The following FANCA variants were observed in gnomAD, a reference collection of about 807,000 sequenced individuals.
FANCA encodes Fanconi anemia group A protein.
Under a neutral mutation model 194.3 loss-of-function variants are expected in FANCA, and 236 were observed. That is an observed-to-expected ratio of 1.21 (90% CI 1.09 to 1.35). FANCA has a LOEUF of 1.35. Among genes scored for constraint, FANCA ranks in the 40% most tolerant of loss-of-function variants. The pLI, the probability that FANCA is intolerant of heterozygous loss-of-function variation, is 0.00. For synonymous variants in FANCA, 1,014 were observed against 715.8 expected (o/e 1.42, Z -6.65); for missense variants, 2,628 against 1,813.9 (o/e 1.45, Z -8.15).
At chr16:89,753,237 G>T (rs921053079) in intron 30 of FANCA, among the ~76,000 whole-genome samples, 1 of 152,174 alleles carries the variant, frequency 6.6e-6, no homozygotes, top group Admixed American at 6.5e-5. Context: ...CCTATCATTG[G>T]AGGTGACTCA....
chr16:89,772,030 A>G (rs1359328677), intron 22 of FANCA, among the ~76,000 whole-genome samples: 2 of 152,154 alleles, frequency 1.3e-5, no homozygotes, highest in Non-Finnish European at 2.9e-5. Flanking sequence ...GCCAGACGCC[A>G]TCCACTACCT....
Position 89,816,620 on chromosome 16 carries a change from T to C in FANCA, c.-5A>G, listed in dbSNP as rs1330429367. On this transcript the variant is annotated 5_prime_UTR_variant, in exon 1 of 43. Coordinates refer to ENST00000389301, the MANE Select transcript of FANCA (RefSeq NM_000135.4). ...CGGGACCCACGAGTCGGACATGGCC[T>C]TGGCGCCTACAGCCCCGGCGGCGGC... 1 of 1,522,356 alleles carries C rather than the reference T, an allele frequency of 6.6e-7. No individual in the cohort carries two copies. The highest frequency in any genetic ancestry group is 8.8e-7 in the Non-Finnish European group (1 of 1,142,750). 94.3% of individuals were successfully genotyped at this position (1,522,356 alleles called of 1,614,324 possible). A position where few individuals can be genotyped will look rare whatever the true frequency, so the allele number is the denominator to read the frequency against.
intron 30 of FANCA, among the ~76,000 whole-genome samples, chr16:89,753,684 T>C (rs1038079566): frequency 1.1e-4 from 16 of 152,110 alleles, no homozygotes; most frequent in African/African-American, 3.9e-4. Context: ...GAGGAAAGAC[T>C]GAAAGCTGTT....
rs774630600 is a variant in FANCA at position 89,812,934 on chromosome 16, G to T, written c.283+1586C>A. On this transcript the variant is annotated intron_variant, in intron 3 of 42. Coordinates refer to ENST00000389301, the MANE Select transcript of FANCA (RefSeq NM_000135.4). ...TATAATCCCAGCTATTCGGGAGGCT[G>T]AGGCAGGAGAATTGCTTGAACCCAG... 1.5e-4 allele frequency among the ~76,000 whole-genome samples: 23 copies of T among 151,416 alleles called. 1 individual carries two copies. Among genetic ancestry groups the T allele is most frequent in the Non-Finnish European group, 2.5e-4 (17 of 67,938 alleles).
chr16:89,755,099 T>C (rs1251947606), intron 30 of FANCA, among the ~76,000 whole-genome samples: 1 of 152,198 alleles, frequency 6.6e-6, no homozygotes, highest in Non-Finnish European at 1.5e-5. Context: ...CATCTAACTT[T>C]TGACAAGGGT....
intron 38 of FANCA, chr16:89,740,341 TAAAAG>T: frequency 1.8e-6 from 1 of 549,658 alleles, no homozygotes; most frequent in Non-Finnish European, 3.3e-6. Flanking sequence ...AATAAGACAT[TAAAAG>T]AAAGGCCCAC....
intron 7 of FANCA, among the ~76,000 whole-genome samples, chr16:89,804,113 C>T (rs148049813): frequency 2.7e-4 from 41 of 152,182 alleles, no homozygotes; most frequent in Non-Finnish European, 4.9e-4. Context: ...GATTTTCTAA[C>T]TTTGATTTAA....
intron 23 of FANCA, among the ~76,000 whole-genome samples, chr16:89,771,117 A>C (rs2039308794): frequency 6.7e-6 from 1 of 149,208 alleles, no homozygotes; most frequent in Non-Finnish European, 1.5e-5. Flanking sequence ...GTGAGCCAAG[A>C]TCGTCCACTC....
intron 1 of FANCA, 116 bp from the exon 2 acceptor site, chr16:89,816,102 G>C (rs766779476): frequency 1.3e-6 from 1 of 780,250 alleles, no homozygotes; most frequent in South Asian, 1.4e-5. Context: ...CCCGAAGAGG[G>C]GCCGGGGCTC....
At chr16:89,770,065 C>G in intron 25 of FANCA, 41 bp from the exon 26 acceptor site, 2 of 1,601,680 alleles carry the variant, frequency 1.2e-6, no homozygotes, top group Non-Finnish European at 8.5e-7. Flanking sequence ...CTGCCCTCTT[C>G]CAAGCTGGAA....
intron 26 of FANCA, 183 bp downstream of exon 26, chr16:89,769,654 A>G (rs1275684373): frequency 1.0e-5 from 7 of 684,178 alleles, no homozygotes; most frequent in Non-Finnish European, 1.5e-5. Flanking sequence ...ACAAAGAAAC[A>G]AACGCACGCA....
rs1390814994 is a variant in FANCA at position 89,809,715 on chromosome 16, T to C, written c.522+992A>G. Reference sequence around the variant, plus strand: ...AAATACAAAAAAAATTAGCCAGGCATGGTGGCGCATGCCTGTAATCCCAGC... The same window carrying C: ...AAATACAAAAAAAATTAGCCAGGCACGGTGGCGCATGCCTGTAATCCCAGC... On this transcript the variant is annotated intron_variant, in intron 5 of 42. Coordinates refer to ENST00000389301, the MANE Select transcript of FANCA (RefSeq NM_000135.4). Among the ~76,000 whole-genome samples the C allele has an allele frequency of 2.0e-5, 3 of 151,974 alleles. No individual in the cohort carries two copies. The South Asian group carries it at 6.2e-4, about 32-fold the overall frequency.
At position 89,749,801 on chromosome 16, in the gene FANCA, G is replaced by C. The variant is rs377633991; in HGVS notation, c.3168C>G (p.Leu1056=). ...HFLFEIFRRR[L]QALTSGWSVA... is the part of the protein sequence containing the mutation. Reference sequence around the variant, plus strand: ...CGCTCCACCCGCTTGTCAGAGCCTGGAGCCGTCTGCGGAAAATCTCAAAGA... The same window carrying C: ...CGCTCCACCCGCTTGTCAGAGCCTGCAGCCGTCTGCGGAAAATCTCAAAGA... Residue 1056 remains leucine, a synonymous_variant, in exon 32 of 43, where the codon CTC becomes CTG. Transcript: ENST00000389301. 2 of 1,614,232 alleles carry C rather than the reference G, an allele frequency of 1.2e-6. No homozygotes were observed. The highest frequency in any genetic ancestry group is 1.7e-6 in the Non-Finnish European group (2 of 1,180,040).
chr16:89,773,773 CTT>C (rs552737101), intron 21 of FANCA, among the ~76,000 whole-genome samples: 32 of 135,460 alleles, frequency 2.4e-4, no homozygotes, highest in Non-Finnish European at 2.1e-4. Flanking sequence ...GTTCCTCAAA[CTT>C]TTTTTTTTTT....
Position 89,771,786 on chromosome 16 carries a change from A to C in FANCA, c.2043T>G (p.Ser681=), listed in dbSNP as rs2039335599. 1.9e-6 allele frequency: 3 copies of C among 1,613,940 alleles called. No individual in the cohort carries two copies. The South Asian group carries it at 3.3e-5, about 18-fold the overall frequency. The change falls in exon 23 of 43, where the codon TCT becomes TCG. Residue 681 remains serine, a synonymous_variant. Transcript: ENST00000389301. ...DVISAQVAVI[S]ERLRAVLGHN... is the part of the protein sequence containing the mutation. The stretch of plus-strand genomic sequence containing the variant: ...GGCCCAGGACAGCCCTCAGTCTTTC[A>C]GAAATCACTGCCACCTGTGCCGATA...
Position 89,748,726 on chromosome 16 carries a change from C to T in FANCA, c.3281G>A (p.Ser1094Asn), listed in dbSNP as rs946572285. ...AGTGATGGGCTGTTCTGCCTGGAAG[C>T]TGCTGCCGCAGAGGACAGACGAAGG... ...RLPSSVLCGS[S>N]FQAEQPITAR... The change falls in exon 33 of 43, where the codon AGC becomes AAC. Residue 1094 changes from serine (S) to asparagine (N), a missense_variant. Physicochemically the swap from Ser to Asn is conservative, Grantham distance 46. Coordinates refer to ENST00000389301, the MANE Select transcript of FANCA (RefSeq NM_000135.4). 50 of 1,614,020 alleles carry T rather than the reference C, an allele frequency of 3.1e-5. No homozygotes were observed. The highest frequency in any genetic ancestry group is 4.2e-5 in the Non-Finnish European group (49 of 1,180,046).
Position 89,749,915 on chromosome 16 carries a change from A to G in FANCA, c.3067-13T>C, listed in dbSNP as rs937670241. The G allele has an allele frequency of 2.5e-6, 4 of 1,613,850 alleles. No homozygotes were observed. Among genetic ancestry groups the G allele is most frequent in the Non-Finnish European group, 3.4e-6 (4 of 1,180,016 alleles). Reference sequence around the variant, plus strand: ...CAGCTACCATCTCCTGAAAAAGAGCAGTATGCTGGCACAGGAAGGCCTCGG... The same window carrying G: ...CAGCTACCATCTCCTGAAAAAGAGCGGTATGCTGGCACAGGAAGGCCTCGG... On this transcript the variant is annotated splice_polypyrimidine_tract_variant and intron_variant, in intron 31 of 42. Transcript: ENST00000389301.
intron 38 of FANCA, 52 bp downstream of exon 38, chr16:89,740,752 C>T: frequency 6.5e-7 from 1 of 1,534,882 alleles, no homozygotes; most frequent in African/African-American, 1.4e-5. Flanking sequence ...CCTGGTGCCC[C>T]TGCCTGGCCC....
At chr16:89,766,442 G>T (rs993469811) in intron 27 of FANCA, among the ~76,000 whole-genome samples, 1 of 151,818 alleles carries the variant, frequency 6.6e-6, no homozygotes, top group Non-Finnish European at 1.5e-5. Flanking sequence ...GGCACCAGCG[G>T]CTCACGCCTG....
Sources: gnomAD v4.1 joint callset for allele counts (sites outside exome capture counted in the v4.1 genomes callset) on GRCh38, gnomAD v4.1.1 for gene constraint, MANE v1.5 for transcripts, NCBI Gene and HGNC (gene_info 2026-07-23, HGNC 2026-07-21) for gene names.